FAM13B: variants seen among roughly 807,000 people sequenced by gnomAD.
FAM13B encodes family with sequence similarity 13 member B, also known as protein FAM13B.
In FAM13B, 60 loss-of-function variants were observed where a neutral mutation model predicts 117.3. That is an observed-to-expected ratio of 0.51 (90% CI 0.42 to 0.63). FAM13B has a LOEUF of 0.63. Ranked by LOEUF, FAM13B falls within the 30% of genes least tolerant of loss-of-function variation. The pLI is 0.00. For missense variants in FAM13B, 972 were observed against 1,091.9 expected (o/e 0.89, Z 1.55); for synonymous variants, 332 against 356.1 (o/e 0.93, Z 0.76).
At chr5:137,986,430 C>CCG (rs1201868642) in intron 9 of FAM13B, among the ~76,000 whole-genome samples, 3 of 53,402 alleles carry the variant, frequency 5.6e-5, no homozygotes, top group Admixed American at 2.2e-4. Context: ...TCATCTTCCC[C>CCG]CCCCCAAAAA....
chr5:137,972,291 T>G (rs1772437084), intron 10 of FAM13B, among the ~76,000 whole-genome samples: 2 of 150,806 alleles, frequency 1.3e-5, no homozygotes, highest in South Asian at 2.1e-4. Context: ...ATCCCTGGGA[T>G]GCAAGGCTGG....
At chr5:137,975,927 G>A (rs1333233458) in intron 10 of FAM13B, among the ~76,000 whole-genome samples, 1 of 150,658 alleles carries the variant, frequency 6.6e-6, no homozygotes, top group African/African-American at 2.4e-5. Context: ...AATGGGGGAC[G>A]GGAGTGGGGA....
intron 11 of FAM13B, 32 bp from the exon 12 acceptor site, chr5:137,960,246 A>G: frequency 8.1e-7 from 1 of 1,228,418 alleles, no homozygotes; most frequent in Non-Finnish European, 1.2e-6. Flanking sequence ...TTAGTATATT[A>G]AGAATAAAAA....
chr5:137,970,923 T>G (rs1184424637), intron 10 of FAM13B, among the ~76,000 whole-genome samples: 1 of 152,006 alleles, frequency 6.6e-6, no homozygotes, highest in East Asian at 1.9e-4. Flanking sequence ...ATCCTAAATA[T>G]ATATGCACCC....
intron 6 of FAM13B, among the ~76,000 whole-genome samples, chr5:138,008,658 A>G (rs558244771): frequency 1.1e-4 from 17 of 152,372 alleles, no homozygotes; most frequent in Non-Finnish European, 2.4e-4. Flanking sequence ...ATACATAATA[A>G]GCAATAATGC....
chr5:138,022,860 ACT>A (rs1209455555), intron 1 of FAM13B, among the ~76,000 whole-genome samples: 1 of 150,002 alleles, frequency 6.7e-6, no homozygotes, highest in Non-Finnish European at 1.5e-5. Context: ...ACAGGGTCTC[ACT>A]CTGTCACCCA....
intron 1 of FAM13B, among the ~76,000 whole-genome samples, chr5:138,043,680 C>T (rs1297211995): frequency 2.0e-5 from 3 of 151,980 alleles, no homozygotes; most frequent in African/African-American, 4.8e-5. Context: ...CCTCATGATC[C>T]GCCTGCCTCG....
chr5:137,985,424 A>G lies in FAM13B; in HGVS notation c.1047-35T>C, dbSNP rs1456489335. ...AAGTTTAAAAATCAGATCAGGCCAA[A>G]TGTTGAGTGTGTAATGCCTTTACTT... On this transcript the variant is annotated intron_variant, in intron 9 of 23. Coordinates refer to ENST00000689681, the MANE Select transcript of FAM13B (RefSeq NM_001385994.1). The G allele has an allele frequency of 2.5e-6, 4 of 1,604,156 alleles. No homozygotes were observed. The African/African-American group carries it at 5.4e-5, about 21-fold the overall frequency.
At chr5:137,941,130 G>A (rs577757711) in intron 23 of FAM13B, among the ~76,000 whole-genome samples, 1 of 152,098 alleles carries the variant, frequency 6.6e-6, no homozygotes, top group East Asian at 1.9e-4. Context: ...GGATGGTCTT[G>A]ATCTCCTGAC....
In FAM13B at chr5:138,011,000, A is replaced by AT. The variant is rs747331734; in HGVS notation, c.690+7dup. ...AAAAAATTATCCCTCCAAATAGAAT[A>AT]TTCTCACCTGTTCAGTAATTGAACT... is the stretch of plus-strand genomic sequence containing the variant. On this transcript the variant is annotated splice_region_variant and intron_variant, in intron 6 of 23. Coordinates refer to ENST00000689681, the MANE Select transcript of FAM13B (RefSeq NM_001385994.1). 78 of 1,564,522 alleles carry AT rather than the reference A, an allele frequency of 5.0e-5. No homozygotes were observed. Among genetic ancestry groups the AT allele is most frequent in the Non-Finnish European group, 6.7e-5 (78 of 1,166,054 alleles).
At chr5:138,029,432 G>A (rs115511019) in intron 1 of FAM13B, among the ~76,000 whole-genome samples, 1,729 of 152,230 alleles carry the variant, frequency 0.011, 28 homozygotes, top group African/African-American at 0.04. Flanking sequence ...GCTGGCCAAA[G>A]ATCATTATGG....
At chr5:138,012,214 CTCTTTTTTTT>C (rs986554594) in intron 4 of FAM13B, among the ~76,000 whole-genome samples, 4 of 88,300 alleles carry the variant, frequency 4.5e-5, no homozygotes, top group African/African-American at 1.7e-4. Flanking sequence ...GGCCCCAATT[CTCTTTTTTTT>C]TTTTTTTTTT....
intron 7 of FAM13B, among the ~76,000 whole-genome samples, chr5:138,000,475 T>C (rs749324615): frequency 3.3e-5 from 5 of 152,126 alleles, no homozygotes; most frequent in Non-Finnish European, 5.9e-5. Context: ...TATAACAAAC[T>C]GAAACAAAAG....
chr5:138,022,878 G>C (rs748450915), intron 1 of FAM13B, among the ~76,000 whole-genome samples: 1 of 151,484 alleles, frequency 6.6e-6, no homozygotes, highest in Non-Finnish European at 1.5e-5. Flanking sequence ...ACCCAGGCTG[G>C]AGTGCAGTGG....
intron 10 of FAM13B, among the ~76,000 whole-genome samples, chr5:137,968,214 T>TCC (rs1770707886): frequency 1.9e-5 from 1 of 53,840 alleles, no homozygotes; most frequent in Non-Finnish European, 3.8e-5. Context: ...AGAGCAAGAC[T>TCC]GTCTCAAAAA....
chr5:138,006,955 C>T (rs201220687), intron 7 of FAM13B, 35 bp downstream of exon 7: 688 of 1,562,836 alleles, frequency 4.4e-4, no homozygotes, highest in Non-Finnish European at 5.4e-4. Context: ...GAATGAAATA[C>T]TCAAAAGCTA....
intron 10 of FAM13B, among the ~76,000 whole-genome samples, chr5:137,968,481 G>C (rs1280863505): frequency 1.3e-5 from 2 of 151,678 alleles, no homozygotes; most frequent in African/African-American, 4.8e-5. Context: ...ATTTCAGCCT[G>C]GCTAACCAAT....
Position 137,953,345 on chromosome 5 carries a change from T to G in FAM13B, c.1839A>C (p.Arg613Ser). 1 of 1,614,016 alleles carries G rather than the reference T, an allele frequency of 6.2e-7. No homozygotes were observed. The highest frequency in any genetic ancestry group is 8.5e-7 in the Non-Finnish European group (1 of 1,179,922). ...AATGCTACAAACCTACCTTGCTATT[T>G]CTTTCCCTTTCAAACTGTTCCTCAA... is the stretch of plus-strand genomic sequence containing the variant. ...RQFEEQFERE[R>S]NSKPSYSDIA... The change falls in exon 16 of 24, where the codon AGA becomes AGC. Residue 613 changes from arginine to serine, a missense_variant. Physicochemically the swap from Arg to Ser is moderately radical, Grantham distance 110. Coordinates refer to ENST00000689681, the MANE Select transcript of FAM13B (RefSeq NM_001385994.1).
In FAM13B at chr5:137,985,301, C is replaced by T; in HGVS notation, c.1135G>A (p.Ala379Thr). The T allele has an allele frequency of 6.2e-7, 1 of 1,613,910 alleles. No homozygotes were observed. Among genetic ancestry groups the T allele is most frequent in the Non-Finnish European group, 8.5e-7 (1 of 1,179,970 alleles). The change falls in exon 10 of 24, where the codon GCT becomes ACT. Residue 379 changes from alanine to threonine, a missense_variant. By Grantham distance (58) the Ala-to-Thr change is moderately conservative. Transcript: ENST00000689681. The stretch of plus-strand genomic sequence containing the variant: ...TCAAATACACAATCTTGCTGCATAG[C>T]TTCATTGTCTAAATTAGTGCTAGCC... ...PVASTNLDNE[A>T]MQQDCVFENE...
Sources: allele counts gnomAD v4.1 joint callset (sites outside exome capture counted in the v4.1 genomes callset), GRCh38; gene constraint gnomAD v4.1.1; transcripts MANE v1.5; gene names NCBI Gene and HGNC (gene_info 2026-07-23, HGNC 2026-07-21).